Variants in MEGF10 observed in about 807,000 individuals in gnomAD.
MEGF10 encodes multiple EGF like domains 10.
Under a neutral mutation model 147.5 loss-of-function variants are expected in MEGF10, and 86 were observed. That is an observed-to-expected ratio of 0.58 (90% CI 0.49 to 0.70). MEGF10 has a LOEUF of 0.70. Among genes scored for constraint, MEGF10 ranks in the 30% least tolerant of loss-of-function variants. MEGF10 has a pLI of 0.00. For synonymous variants in MEGF10, 478 were observed against 525.5 expected (o/e 0.91, Z 1.24); for missense variants, 1,329 against 1,487.3 (o/e 0.89, Z 1.75).
rs550428263 is a variant in MEGF10 at position 127,351,023 on chromosome 5, A to G, written c.319+10393A>G. Among the ~76,000 whole-genome samples, 15 of 152,164 alleles carry G rather than the reference A, an allele frequency of 9.9e-5. No homozygotes were observed. In the East Asian group the frequency reaches 2.9e-3, roughly 29 times the overall value. ...GGATAGTGGGGGTGGGGTAGGGGGAAAATGGGGATGGTTAATGGGTAGAAA... is the reference window on the plus strand; with the variant it reads ...GGATAGTGGGGGTGGGGTAGGGGGAGAATGGGGATGGTTAATGGGTAGAAA... On this transcript the variant is annotated intron_variant, in intron 4 of 24. Coordinates refer to ENST00000503335, the MANE Select transcript of MEGF10 (RefSeq NM_001256545.2).
At position 127,405,563 on chromosome 5, in the gene MEGF10, TAA is replaced by T. The variant is rs576258585; in HGVS notation, c.917+2882_917+2883del. On this transcript the variant is annotated intron_variant, in intron 8 of 24. Transcript: ENST00000503335. Reference sequence around the variant, plus strand: ...CTATCATATCATCTACAAATAAACATAAGTTAGTCTTTTCTTTTCAATATGTA... The same window carrying T: ...CTATCATATCATCTACAAATAAACATGTTAGTCTTTTCTTTTCAATATGTA... Among the ~76,000 whole-genome samples the T allele has an allele frequency of 1.8e-3, 277 of 152,256 alleles. 1 individual carries two copies. The highest frequency in any genetic ancestry group is 6.4e-3 in the African/African-American group (265 of 41,580).
At chr5:127,369,079 C>A (rs1479519718) in intron 4 of MEGF10, among the ~76,000 whole-genome samples, 7 of 152,100 alleles carry the variant, frequency 4.6e-5, no homozygotes, top group Admixed American at 4.6e-4. Flanking sequence ...CCTCATCCCA[C>A]CCTTAAATAA....
the MEGF10 span, among the ~76,000 whole-genome samples, chr5:127,280,555 G>T: frequency 1.8e-4 from 27 of 152,114 alleles, no homozygotes; most frequent in African/African-American, 6.0e-4. Flanking sequence ...GTATGTATTT[G>T]TTACCTCAGT....
At chr5:127,372,778 TATCCATGTGAC>T (rs1762892950) in intron 5 of MEGF10, among the ~76,000 whole-genome samples, 2 of 152,360 alleles carry the variant, frequency 1.3e-5, no homozygotes, top group Admixed American at 1.3e-4. Context: ...GATATCATGA[TATCCATGTGAC>T]ATCACTGGTG....
intron 5 of MEGF10, among the ~76,000 whole-genome samples, chr5:127,370,839 A>C (rs895614177): frequency 1.3e-5 from 2 of 152,204 alleles, no homozygotes; most frequent in Admixed American, 6.5e-5. Context: ...AGAAGGAATT[A>C]AAGTGCAACT....
At chr5:127,446,909 A>T (rs993099042) in intron 20 of MEGF10, among the ~76,000 whole-genome samples, 30 of 152,306 alleles carry the variant, frequency 2.0e-4, no homozygotes, top group African/African-American at 6.5e-4. Context: ...GTTTTCAGGG[A>T]ACTCAGAGTA....
the MEGF10 span, among the ~76,000 whole-genome samples, chr5:127,267,834 A>G: frequency 6.6e-6 from 1 of 151,946 alleles, no homozygotes; most frequent in African/African-American, 2.4e-5. Context: ...TTAGTCTTGC[A>G]AGCAGTCTAT....
At chr5:127,252,795 T>G in the MEGF10 span, among the ~76,000 whole-genome samples, 1 of 151,958 alleles carries the variant, frequency 6.6e-6, no homozygotes, top group African/African-American at 2.4e-5. Context: ...AATAGAAGAA[T>G]AGCTACTGAA....
At chr5:127,423,759 T>C (rs1457458491) in intron 13 of MEGF10, among the ~76,000 whole-genome samples, 1 of 152,184 alleles carries the variant, frequency 6.6e-6, no homozygotes, top group Non-Finnish European at 1.5e-5. Context: ...GTTATAATCT[T>C]TATATTTTTT....
chr5:127,435,641 C>A, intron 16 of MEGF10, 152 bp downstream of exon 16: 6 of 681,710 alleles, frequency 8.8e-6, no homozygotes, highest in Middle Eastern at 5.0e-4. Flanking sequence ...TTTTAAAATT[C>A]TTTTTTTTTT....
At chr5:127,283,367 A>C in the MEGF10 span, among the ~76,000 whole-genome samples, 1 of 152,216 alleles carries the variant, frequency 6.6e-6, no homozygotes, top group Non-Finnish European at 1.5e-5. Context: ...TTTCAGGAAG[A>C]TATTCATGTC....
At chr5:127,320,746 C>T (rs1286883802) in intron 1 of MEGF10, among the ~76,000 whole-genome samples, 1 of 152,200 alleles carries the variant, frequency 6.6e-6, no homozygotes, top group African/African-American at 2.4e-5. Context: ...AAGCCTTTGA[C>T]AATGTGGGCT....
chr5:127,261,779 A>T, the MEGF10 span, among the ~76,000 whole-genome samples: 1 of 152,082 alleles, frequency 6.6e-6, no homozygotes, highest in Non-Finnish European at 1.5e-5. Context: ...TCTGTTTTTT[A>T]AAAAAATTTT....
the MEGF10 span, among the ~76,000 whole-genome samples, chr5:127,251,973 A>AT: frequency 6.6e-6 from 1 of 152,106 alleles, no homozygotes. Context: ...TTAAAAAGCA[A>AT]TTTATAGAAA....
chr5:127,350,764 A>T (rs918585268), intron 4 of MEGF10, among the ~76,000 whole-genome samples: 2 of 151,970 alleles, frequency 1.3e-5, no homozygotes, highest in Non-Finnish European at 2.9e-5. Context: ...TTGTATATAT[A>T]TTTTTTTCAT....
intron 1 of MEGF10, among the ~76,000 whole-genome samples, chr5:127,319,933 G>C (rs1760726086): frequency 6.6e-6 from 1 of 152,186 alleles, no homozygotes; most frequent in African/African-American, 2.4e-5. Flanking sequence ...CTAAGGAGAA[G>C]CCATTTAGAA....
At chr5:127,313,788 AT>A (rs1476404183) in intron 1 of MEGF10, among the ~76,000 whole-genome samples, 1 of 152,222 alleles carries the variant, frequency 6.6e-6, no homozygotes, top group Non-Finnish European at 1.5e-5. Context: ...TCCCAGATAC[AT>A]TGGGGAAGAC....
At chr5:127,354,442 G>C (rs1046641511) in intron 4 of MEGF10, among the ~76,000 whole-genome samples, 1 of 152,158 alleles carries the variant, frequency 6.6e-6, no homozygotes, top group Admixed American at 6.5e-5. Context: ...TTTGGGAAAG[G>C]GAGTGCTACC....
intron 13 of MEGF10, 100 bp downstream of exon 13, chr5:127,422,872 C>CA (rs1273685775): frequency 4.3e-5 from 37 of 859,542 alleles, no homozygotes; most frequent in Admixed American, 1.5e-4. Flanking sequence ...GTCAACTTTT[C>CA]AAAAAAAATG....
Sources: gnomAD v4.1 joint callset for allele counts (sites outside exome capture counted in the v4.1 genomes callset) on GRCh38, gnomAD v4.1.1 for gene constraint, MANE v1.5 for transcripts, NCBI Gene and HGNC (gene_info 2026-07-23, HGNC 2026-07-21) for gene names.